The following GALNT13 variants were observed in gnomAD, a reference collection of about 807,000 sequenced individuals.
The protein encoded by GALNT13 is UDP-GalNAc:polypeptide N-acetylgalactosaminyltransferase 13.
In GALNT13, 28 loss-of-function variants were observed where a neutral mutation model predicts 64.2. The ratio of observed to expected loss-of-function variants is 0.44; its 90% CI spans 0.32 to 0.60. The LOEUF (loss-of-function observed/expected upper bound fraction) is 0.60. Among genes scored for constraint, GALNT13 ranks in the 20% least tolerant of loss-of-function variants. The probability of loss-of-function intolerance (pLI) is 0.05; values close to 1 mark genes in which losing one functional copy is unlikely to be tolerated. For synonymous variants in GALNT13, 214 were observed against 224.6 expected (o/e 0.95, Z 0.42); for missense variants, 577 against 669.8 (o/e 0.86, Z 1.53).
chr2:153,472,137 A>G, the GALNT13 span, among the ~76,000 whole-genome samples: 1 of 152,230 alleles, frequency 6.6e-6, no homozygotes, highest in Non-Finnish European at 1.5e-5. Flanking sequence ...TTCCAAAGCA[A>G]TCAGACATCT....
chr2:154,290,000 T>C (rs972445424), intron 8 of GALNT13, among the ~76,000 whole-genome samples: 1 of 152,134 alleles, frequency 6.6e-6, no homozygotes, highest in African/African-American at 2.4e-5. Context: ...GACTCAGGAG[T>C]GCAGAGCTCT....
intron 9 of GALNT13, among the ~76,000 whole-genome samples, chr2:154,388,401 C>G (rs1209279782): frequency 6.6e-6 from 1 of 152,064 alleles, no homozygotes; most frequent in East Asian, 1.9e-4. Context: ...AGTTGGAAAC[C>G]ATCAAACTTG....
At chr2:153,284,929 A>T in the GALNT13 span, among the ~76,000 whole-genome samples, 1 of 152,074 alleles carries the variant, frequency 6.6e-6, no homozygotes, top group African/African-American at 2.4e-5. Context: ...TCTTATACAT[A>T]CATATGTACA....
the GALNT13 span, among the ~76,000 whole-genome samples, chr2:153,744,056 T>C: frequency 6.6e-6 from 1 of 152,124 alleles, no homozygotes; most frequent in African/African-American, 2.4e-5. Context: ...ATATGTACAA[T>C]TTTTTTAATC....
chr2:154,257,347 A>C (rs1690435006), intron 7 of GALNT13, among the ~76,000 whole-genome samples: 1 of 152,160 alleles, frequency 6.6e-6, no homozygotes, highest in African/African-American at 2.4e-5. Flanking sequence ...TGATTATTAA[A>C]AATGCATCAC....
chr2:153,261,744 C>G, the GALNT13 span, among the ~76,000 whole-genome samples: 1 of 132,698 alleles, frequency 7.5e-6, no homozygotes, highest in African/African-American at 2.8e-5. Context: ...GCAATCTACC[C>G]AGGCTTGTGA....
At chr2:153,998,308 G>T (rs866706042) in intron 3 of GALNT13, among the ~76,000 whole-genome samples, 2 of 152,030 alleles carry the variant, frequency 1.3e-5, no homozygotes, top group Admixed American at 6.6e-5. Context: ...AGCATCTGTT[G>T]TTTCCTGACC....
intron 4 of GALNT13, among the ~76,000 whole-genome samples, chr2:154,158,659 A>G (rs190194242): frequency 1.1e-4 from 16 of 152,290 alleles, no homozygotes; most frequent in African/African-American, 3.4e-4. Flanking sequence ...GAACAATTCT[A>G]CTTTAGGACC....
chr2:153,087,719 A>T, the GALNT13 span, among the ~76,000 whole-genome samples: 3 of 152,126 alleles, frequency 2.0e-5, no homozygotes, highest in Non-Finnish European at 2.9e-5. Flanking sequence ...ATTCCCAGGA[A>T]GTTATCCATC....
chr2:153,133,035 A>ATTTTTTT, the GALNT13 span, among the ~76,000 whole-genome samples: 1 of 129,396 alleles, frequency 7.7e-6, no homozygotes, highest in Admixed American at 7.9e-5. Flanking sequence ...AACTGTGTTA[A>ATTTTTTT]TTTTTTTTTT....
At chr2:154,275,579 G>A (rs1691597666) in intron 8 of GALNT13, among the ~76,000 whole-genome samples, 1 of 152,192 alleles carries the variant, frequency 6.6e-6, no homozygotes, top group South Asian at 2.1e-4. Context: ...CAGAGGATGT[G>A]TGGAAATGCC....
the GALNT13 span, among the ~76,000 whole-genome samples, chr2:153,552,316 G>A: frequency 1.3e-5 from 2 of 152,084 alleles, no homozygotes; most frequent in African/African-American, 4.8e-5. Flanking sequence ...AGGGAAAAGT[G>A]GTTTTAAAAA....
chr2:153,665,358 A>G, the GALNT13 span, among the ~76,000 whole-genome samples: 1 of 152,240 alleles, frequency 6.6e-6, no homozygotes, highest in Admixed American at 6.5e-5. Context: ...GAGGGCAAAG[A>G]GAAAGTAGAA....
the GALNT13 span, among the ~76,000 whole-genome samples, chr2:153,584,697 T>G: frequency 2.0e-5 from 3 of 152,150 alleles, no homozygotes; most frequent in Non-Finnish European, 4.4e-5. Context: ...AAAACAAGGA[T>G]AGATACACTT....
chr2:153,389,611 C>T, the GALNT13 span, among the ~76,000 whole-genome samples: 3 of 152,154 alleles, frequency 2.0e-5, no homozygotes, highest in East Asian at 1.9e-4. Flanking sequence ...AAAGAATGCC[C>T]GGAGGTCCAT....
At chr2:153,248,413 C>T in the GALNT13 span, among the ~76,000 whole-genome samples, 1 of 152,124 alleles carries the variant, frequency 6.6e-6, no homozygotes, top group African/African-American at 2.4e-5. Flanking sequence ...TCAACATACA[C>T]AAATTAATAA....
At chr2:154,149,515 G>C (rs1488150695) in intron 4 of GALNT13, among the ~76,000 whole-genome samples, 1 of 152,012 alleles carries the variant, frequency 6.6e-6, no homozygotes, top group African/African-American at 2.4e-5. Context: ...AATTACCTTG[G>C]GCAGTATGGC....
the GALNT13 span, among the ~76,000 whole-genome samples, chr2:153,555,868 A>C: frequency 6.6e-6 from 1 of 152,350 alleles, no homozygotes. Context: ...TTATAAGAAG[A>C]TTATTAGCAA....
chr2:154,372,590 G>A (rs1275638248), intron 9 of GALNT13, among the ~76,000 whole-genome samples: 1 of 152,100 alleles, frequency 6.6e-6, no homozygotes, highest in Non-Finnish European at 1.5e-5. Context: ...TACAGCCATT[G>A]AAATATTTAC....
Sources: gnomAD v4.1 joint callset for allele counts (sites outside exome capture counted in the v4.1 genomes callset) on GRCh38, gnomAD v4.1.1 for gene constraint, MANE v1.5 for transcripts, NCBI Gene and HGNC (gene_info 2026-07-23, HGNC 2026-07-21) for gene names.